NRXN1: variants seen among roughly 807,000 people sequenced by gnomAD.
NRXN1 encodes neurexin-1.
A neutral mutation model predicts 150.9 loss-of-function variants in NRXN1; 39 were observed. The ratio of observed to expected loss-of-function variants is 0.26; its 90% CI spans 0.20 to 0.34. The LOEUF is 0.34. NRXN1 is among the 10% of genes least tolerant of loss of function. The probability of loss-of-function intolerance (pLI) is 1.00; values close to 1 mark genes in which losing one functional copy is unlikely to be tolerated. For missense variants in NRXN1, 1,815 were observed against 1,949.9 expected, an observed-to-expected ratio of 0.93 and a Z score of 1.30; for synonymous variants, 924 against 757.0, an observed-to-expected ratio of 1.22 and a Z score of -3.62.
intron 21 of NRXN1, among the ~76,000 whole-genome samples, chr2:49,995,076 C>T (rs116809567): frequency 0.015 from 2,253 of 152,296 alleles, 31 homozygotes; most frequent in South Asian, 0.021. Context: ...CTCCAACCTT[C>T]TTTGCACCTT....
At chr2:50,461,479 A>C (rs1368643862) in intron 17 of NRXN1, among the ~76,000 whole-genome samples, 1 of 152,068 alleles carries the variant, frequency 6.6e-6, no homozygotes, top group Non-Finnish European at 1.5e-5. Flanking sequence ...CTCCAACCTG[A>C]CATTAAGTTA....
At chr2:50,589,446 T>A (rs1673755055) in intron 8 of NRXN1, 2 of 151,632 alleles carry the variant, frequency 1.3e-5, no homozygotes, top group African/African-American at 4.8e-5. Context: ...AACCTCCCCA[T>A]CCTGGGCTCA....
chr2:50,484,040 A>C (rs6744632), intron 15 of NRXN1, among the ~76,000 whole-genome samples: 6,361 of 152,280 alleles, frequency 0.042, 437 homozygotes, highest in African/African-American at 0.14. Context: ...TTCCTATAAT[A>C]CGTCTCTTTA....
chr2:50,185,145 C>T (rs2060982972), intron 18 of NRXN1, among the ~76,000 whole-genome samples: 1 of 152,108 alleles, frequency 6.6e-6, no homozygotes, highest in South Asian at 2.1e-4. Context: ...CTAATCCATC[C>T]ATGGAGATGC....
rs551077132 is a variant in NRXN1, at chr2:50,207,424, G to T, written c.3546+29365C>A. On this transcript the variant is annotated intron_variant, in intron 18 of 22. Transcript: ENST00000401669. ...ATATTTTTTTATTTTGATACTTACT[G>T]ATACATGTTATGCCTTATTATAGTA... 3.1e-4 allele frequency: 47 copies of T among 151,960 alleles called. No homozygotes were observed. In the South Asian group the frequency reaches 9.4e-3, roughly 30 times the overall value. The allele number at this position is 151,960 out of a possible 1,614,324, so 9.4% of individuals were successfully genotyped here. A position where few individuals can be genotyped will look rare whatever the true frequency, so the allele number is the denominator to read the frequency against.
At chr2:50,247,714 A>G (rs7589084) in intron 17 of NRXN1, among the ~76,000 whole-genome samples, 5,872 of 152,198 alleles carry the variant, frequency 0.039, 377 homozygotes, top group African/African-American at 0.13. Flanking sequence ...GAAAACTAAG[A>G]AGATATGACA....
chr2:50,727,109 T>TA (rs11387792), intron 5 of NRXN1, among the ~76,000 whole-genome samples: 33,964 of 151,846 alleles, frequency 0.22, 4,065 homozygotes, highest in Non-Finnish European at 0.27. Context: ...AAAAAGGTCT[T>TA]AAAAAAAATC....
At chr2:50,057,524 G>T (rs1183575025) in intron 19 of NRXN1, among the ~76,000 whole-genome samples, 2 of 152,078 alleles carry the variant, frequency 1.3e-5, no homozygotes, top group African/African-American at 4.8e-5. Context: ...AACCTGTAAT[G>T]GCAAATTTGA....
intron 2 of NRXN1, among the ~76,000 whole-genome samples, chr2:51,010,970 G>C (rs572560292): frequency 2.0e-5 from 3 of 151,702 alleles, no homozygotes; most frequent in Non-Finnish European, 2.9e-5. Flanking sequence ...TTTTTGTATC[G>C]CGCTTTTTGC....
At chr2:50,202,598 A>T (rs191901323) in intron 18 of NRXN1, among the ~76,000 whole-genome samples, 1 of 152,304 alleles carries the variant, frequency 6.6e-6, no homozygotes, top group Non-Finnish European at 1.5e-5. Context: ...GGAACTATTG[A>T]CTTAAGCCTC....
At chr2:50,573,410 AG>A (rs1355045434) in intron 8 of NRXN1, among the ~76,000 whole-genome samples, 1 of 152,012 alleles carries the variant, frequency 6.6e-6, no homozygotes, top group Admixed American at 6.6e-5. Context: ...ATCTCTGCCT[AG>A]GTCTCAGATG....
chr2:50,067,269 G>A (rs569610720), intron 19 of NRXN1, among the ~76,000 whole-genome samples: 1 of 152,112 alleles, frequency 6.6e-6, no homozygotes, highest in Non-Finnish European at 1.5e-5. Context: ...CTCTTATGTG[G>A]ATTTACATTA....
intron 18 of NRXN1, among the ~76,000 whole-genome samples, chr2:50,229,409 G>T (rs2064728924): frequency 6.6e-6 from 1 of 151,674 alleles, no homozygotes; most frequent in Non-Finnish European, 1.5e-5. Flanking sequence ...CCCCAAACTG[G>T]TTCTTAACCC....
chr2:50,214,106 T>C (rs762060249), intron 18 of NRXN1, among the ~76,000 whole-genome samples: 1 of 151,960 alleles, frequency 6.6e-6, no homozygotes, highest in Non-Finnish European at 1.5e-5. Flanking sequence ...GATACTTCAT[T>C]CTAGCTTGGG....
chr2:50,466,100 T>C (rs927802591), intron 16 of NRXN1, among the ~76,000 whole-genome samples: 2 of 151,732 alleles, frequency 1.3e-5, no homozygotes, highest in Non-Finnish European at 2.9e-5. Flanking sequence ...TTTAACAATT[T>C]CATGCAATTA....
intron 17 of NRXN1, among the ~76,000 whole-genome samples, chr2:50,297,166 G>T (rs1182821435): frequency 6.6e-6 from 1 of 152,182 alleles, no homozygotes; most frequent in African/African-American, 2.4e-5. Flanking sequence ...TGGGATTACA[G>T]GCGTGAGCCA....
chr2:49,964,136 A>G (rs941848804), intron 21 of NRXN1, among the ~76,000 whole-genome samples: 3 of 152,220 alleles, frequency 2.0e-5, no homozygotes, highest in Non-Finnish European at 1.5e-5. Flanking sequence ...TCATTTTAAG[A>G]TTACATTAAA....
intron 19 of NRXN1, among the ~76,000 whole-genome samples, chr2:50,055,950 T>C (rs1693535265): frequency 6.6e-6 from 1 of 152,162 alleles, no homozygotes; most frequent in African/African-American, 2.4e-5. Context: ...CTAGAAACAC[T>C]GTTTAAATTG....
chr2:50,636,005 C>T (rs1462783949), intron 5 of NRXN1, among the ~76,000 whole-genome samples: 2 of 152,168 alleles, frequency 1.3e-5, no homozygotes, highest in Non-Finnish European at 2.9e-5. Flanking sequence ...GTAACCACTA[C>T]ATTTAAAATC....
Sources: gnomAD v4.1 joint callset for allele counts (sites outside exome capture counted in the v4.1 genomes callset) on GRCh38, gnomAD v4.1.1 for gene constraint, MANE v1.5 for transcripts, NCBI Gene and HGNC (gene_info 2026-07-23, HGNC 2026-07-21) for gene names.